The following FADS1 variants were observed in gnomAD, a reference collection of about 807,000 sequenced individuals.
FADS1 encodes the protein fatty acid desaturase 1.
In FADS1, 17 loss-of-function variants were observed where a neutral mutation model predicts 61.6. The ratio of observed to expected loss-of-function variants is 0.28; its 90% CI spans 0.19 to 0.41. The LOEUF (loss-of-function observed/expected upper bound fraction) is 0.41, where lower values mean the gene tolerates loss of function less well. FADS1 is among the 10% of genes least tolerant of loss of function. The pLI, the probability that FADS1 is intolerant of heterozygous loss-of-function variation, is 1.00. For synonymous variants in FADS1, 238 were observed against 258.7 expected, an observed-to-expected ratio of 0.92 and a Z score of 0.77; for missense variants, 387 against 650.9, an observed-to-expected ratio of 0.59 and a Z score of 4.41.
chr11:61,813,219 G>A (rs772469600), intron 2 of FADS1, 24 bp downstream of exon 2: 14 of 1,408,440 alleles, frequency 9.9e-6, no homozygotes, highest in East Asian at 4.6e-5. Context: ...CAATAGTTGC[G>A]ACATAGCAAA....
In FADS1 at chr11:61,802,115, T is replaced by A. The variant is rs561617892; in HGVS notation, c.*296A>T. 2.6e-6 allele frequency: 1 copy of A among 388,368 alleles called. No individual in the cohort carries two copies. The highest frequency in any genetic ancestry group is 4.8e-6 in the Non-Finnish European group (1 of 207,700). The allele number at this position is 388,368 out of a possible 1,614,324, so 24.1% of individuals were successfully genotyped here. On this transcript the variant is annotated 3_prime_UTR_variant, in exon 12 of 12. Transcript: ENST00000350997. The surrounding 1 kb of genome is among the most constrained non-coding windows in gnomAD (Gnocchi z 4.2). Reference sequence around the variant, plus strand: ...GTAGGTCCCTCCTCTTCTGTTACCCTCCTGGTTCTCTCTGTTCACCAACTA... The same window carrying A: ...GTAGGTCCCTCCTCTTCTGTTACCCACCTGGTTCTCTCTGTTCACCAACTA...
chr11:61,813,592 G>A, intron 1 of FADS1: 1 of 516,982 alleles, frequency 1.9e-6, no homozygotes, highest in Non-Finnish European at 3.4e-6. Flanking sequence ...GGACCAATCA[G>A]CACCCTGTAA....
At chr11:61,814,874 C>T (rs1031528203) in intron 1 of FADS1, 1 of 152,398 alleles carries the variant, frequency 6.6e-6, no homozygotes, top group Non-Finnish European at 1.5e-5. Flanking sequence ...GGCTATGAGA[C>T]TTCCGTCCCT....
At position 61,810,824 on chromosome 11, in the gene FADS1, T is replaced by C. The variant is rs772099865; in HGVS notation, c.842A>G (p.Asn281Ser). ...GATGTCTGGGTCTTTGCGGAAGCAG[T>C]TGGGCTTGGCATGGTGCTGGAAGTG... The part of the protein sequence containing the change: ...HMHFQHHAKP[N>S]CFRKDPDINM... The change falls in exon 5 of 12, where the codon AAC (asparagine) becomes AGC (serine). Residue 281 changes from asparagine (N) to serine (S), a missense_variant. Transcript: ENST00000350997. 1.9e-6 allele frequency: 3 copies of C among 1,614,162 alleles called. No homozygotes were observed. Among genetic ancestry groups the C allele is most frequent in the African/African-American group, 1.3e-5 (1 of 75,036 alleles).
intron 2 of FADS1, 46 bp from the exon 3 acceptor site, chr11:61,812,714 A>G (rs762371842): frequency 6.4e-7 from 1 of 1,553,764 alleles, no homozygotes; most frequent in South Asian, 1.2e-5. Flanking sequence ...TCTGCACCCC[A>G]ATGCTACTGG....
rs562958864 is a variant in FADS1, at chr11:61,809,403, C to T, written c.915+1348G>A. 1.1e-4 allele frequency among the ~76,000 whole-genome samples: 17 copies of T among 152,178 alleles called. No individual in the cohort carries two copies. In the South Asian group the frequency reaches 2.5e-3, roughly 22 times the overall value. On this transcript the variant is annotated intron_variant, in intron 5 of 11. Coordinates refer to ENST00000350997, the MANE Select transcript of FADS1 (RefSeq NM_013402.7). ...TGTTACCCAGGCTGGAGTGCAGTGGCGTGATCATACTCACTGCAGCCTTCA... is the reference window on the plus strand; with the variant it reads ...TGTTACCCAGGCTGGAGTGCAGTGGTGTGATCATACTCACTGCAGCCTTCA...
In FADS1 at chr11:61,803,151, A is replaced by G. The variant is rs2066869099; in HGVS notation, c.1249-40T>C. 3 of 1,592,596 alleles carry G rather than the reference A, an allele frequency of 1.9e-6. No individual in the cohort carries two copies. Among genetic ancestry groups the G allele is most frequent in the Non-Finnish European group, 2.6e-6 (3 of 1,160,898 alleles). ...CAGGGGAGAGCATGTTGAATATCAGATGGAAAGGCCAGCCCAGCATTCTCC... is the reference window on the plus strand; with the variant it reads ...CAGGGGAGAGCATGTTGAATATCAGGTGGAAAGGCCAGCCCAGCATTCTCC... On this transcript the variant is annotated intron_variant, in intron 9 of 11. Coordinates refer to ENST00000350997, the MANE Select transcript of FADS1 (RefSeq NM_013402.7). The surrounding 1 kb of genome is among the most constrained non-coding windows in gnomAD (Gnocchi z 4.3).
rs537420361 is a variant in FADS1, at chr11:61,802,037, C to T, written c.*374G>A. 5.0e-5 allele frequency: 12 copies of T among 242,070 alleles called. No homozygotes were observed. The highest frequency in any genetic ancestry group is 1.1e-4 in the African/African-American group (5 of 44,392). The allele number at this position is 242,070 out of a possible 1,614,324, so 15.0% of individuals were successfully genotyped here. A position where few individuals can be genotyped will look rare whatever the true frequency, so the allele number is the denominator to read the frequency against. ...CTGGGATTACAGGCGCGTGCCACCA[C>T]GCCCGGCATGAGTGGAATTTTAGTG... is the stretch of plus-strand genomic sequence containing the variant. On this transcript the variant is annotated 3_prime_UTR_variant, in exon 12 of 12. Transcript: ENST00000350997. This position sits in a 1 kb window ranked among gnomAD's most constrained non-coding sequence, Gnocchi z 4.2.
chr11:61,816,205 C>T lies in FADS1; in HGVS notation c.375+350G>A, dbSNP rs903593030. On this transcript the variant is annotated intron_variant, in intron 1 of 11. Coordinates refer to ENST00000350997, the MANE Select transcript of FADS1 (RefSeq NM_013402.7). This position sits in a 1 kb window ranked among gnomAD's most constrained non-coding sequence, Gnocchi z 7.0. ...CCCTCCCTCCCCAGGCGGCCTGCAT[C>T]CTTGCTCTCCTCCCTCCTAGCCTAC... 1.3e-6 allele frequency: 2 copies of T among 1,553,372 alleles called. No individual in the cohort carries two copies. The highest frequency in any genetic ancestry group is 1.7e-4 in the Middle Eastern group (1 of 5,750).
rs2066862872 is a variant in FADS1, at chr11:61,802,492, A to G, written c.1455-30T>C. ...AGGGACAAAATGGGGGCAGACAGTG[A>G]GGGAGACAAGCAGAGTTGAACCCAC... On this transcript the variant is annotated intron_variant, in intron 11 of 11. Transcript: ENST00000350997. The surrounding 1 kb of genome is among the most constrained non-coding windows in gnomAD (Gnocchi z 4.2). 2.6e-6 allele frequency: 4 copies of G among 1,553,536 alleles called. No individual in the cohort carries two copies. Among genetic ancestry groups the G allele is most frequent in the African/African-American group, 2.7e-5 (2 of 73,266 alleles).
chr11:61,810,982 G>A lies in FADS1; in HGVS notation c.778C>T (p.His260Tyr). ...NHLLHHFVIG[H>Y]LKGAPASWWN... The stretch of plus-strand genomic sequence containing the variant: ...CTCCCCATCCCACTGACCTTCAGGT[G>A]GCCAATCACAAAATGATGTAGCAGA... The change falls in exon 4 of 12, where the codon CAC becomes TAC. Residue 260 changes from histidine to tyrosine, a missense_variant. Coordinates refer to ENST00000350997, the MANE Select transcript of FADS1 (RefSeq NM_013402.7). 6.2e-7 allele frequency: 1 copy of A among 1,614,076 alleles called. No homozygotes were observed. The highest frequency in any genetic ancestry group is 1.3e-5 in the African/African-American group (1 of 75,026).
At chr11:61,810,532 G>C (rs964027775) in intron 5 of FADS1, among the ~76,000 whole-genome samples, 4 of 152,110 alleles carry the variant, frequency 2.6e-5, no homozygotes, top group African/African-American at 9.7e-5. Context: ...ATGCAGTAAC[G>C]GTTTGCTGAC....
chr11:61,803,887 C>T lies in FADS1; in HGVS notation c.1054-120G>A, dbSNP rs930886351. The T allele has an allele frequency of 1.3e-6, 1 of 741,324 alleles. No homozygotes were observed. Among genetic ancestry groups the T allele is most frequent in the Non-Finnish European group, 2.3e-6 (1 of 427,454 alleles). 45.9% of individuals were successfully genotyped at this position (741,324 alleles called of 1,614,324 possible). The stretch of plus-strand genomic sequence containing the variant: ...GTTATCCAGACTCACTCATCTTCAG[C>T]TTCTCAGGGGTCCAATCCTGCAGTA... On this transcript the variant is annotated intron_variant, in intron 7 of 11. Coordinates refer to ENST00000350997, the MANE Select transcript of FADS1 (RefSeq NM_013402.7). This position sits in a 1 kb window ranked among gnomAD's most constrained non-coding sequence, Gnocchi z 4.3.
chr11:61,816,719 C>T lies in FADS1; in HGVS notation c.211G>A (p.Gly71Arg). Residue 71 changes from glycine (G) to arginine (R), a missense_variant, in exon 1 of 12, where the codon GGA (glycine) becomes AGA (arginine). Gly to Arg is a moderately radical substitution (Grantham distance 125). This residue lies in a region of FADS1 where 130 missense variants were observed against 117.7 expected (regional missense o/e 1.10). Coordinates refer to ENST00000350997, the MANE Select transcript of FADS1 (RefSeq NM_013402.7). The surrounding 1 kb of genome is among the most constrained non-coding windows in gnomAD (Gnocchi z 7.0). ...CAGGTGAAGTAGCGCGGGGTAGGTC[C>T]CTGAGCCGCGGTCTCGGCGGCCACC... ...DPVAAETAAQ[G>R]PTPRYFTWDE... The T allele has an allele frequency of 6.4e-6, 10 of 1,569,238 alleles. No homozygotes were observed. Among genetic ancestry groups the T allele is most frequent in the Non-Finnish European group, 8.6e-6 (10 of 1,157,908 alleles).
chr11:61,803,121 A>C lies in FADS1; in HGVS notation c.1249-10T>G, dbSNP rs1000105270. On this transcript the variant is annotated splice_polypyrimidine_tract_variant and intron_variant, in intron 9 of 11. Coordinates refer to ENST00000350997, the MANE Select transcript of FADS1 (RefSeq NM_013402.7). The surrounding 1 kb of genome is among the most constrained non-coding windows in gnomAD (Gnocchi z 4.3). ...TGCATGTGGCCTGGAGCTGGCGGAA[A>C]AGGTCAGGGGAGAGCATGTTGAATA... 2 of 1,614,008 alleles carry C rather than the reference A, an allele frequency of 1.2e-6. No individual in the cohort carries two copies. The highest frequency in any genetic ancestry group is 3.3e-5 in the Admixed American group (2 of 60,022).
chr11:61,803,194 G>A lies in FADS1; in HGVS notation c.1249-83C>T. 1 of 1,390,100 alleles carries A rather than the reference G, an allele frequency of 7.2e-7. No homozygotes were observed. The highest frequency in any genetic ancestry group is 1.0e-6 in the Non-Finnish European group (1 of 980,668). The allele number at this position is 1,390,100 out of a possible 1,614,324, so 86.1% of individuals were successfully genotyped here. On this transcript the variant is annotated intron_variant, in intron 9 of 11. Coordinates refer to ENST00000350997, the MANE Select transcript of FADS1 (RefSeq NM_013402.7). This position sits in a 1 kb window ranked among gnomAD's most constrained non-coding sequence, Gnocchi z 4.3. The stretch of plus-strand genomic sequence containing the variant: ...CATTCTCCAGGTAAAGCTGGCTGAG[G>A]AAGGGACATGAGACTGTCTTGGTCA...
In FADS1 at chr11:61,801,253, C is replaced by T. The variant is rs1205200836; in HGVS notation, c.*1158G>A. Reference sequence around the variant, plus strand: ...TGATAATTATCTCCCAATTTGGTCACTTCTGCTAATTGCTATTTTATTAAA... The same window carrying T: ...TGATAATTATCTCCCAATTTGGTCATTTCTGCTAATTGCTATTTTATTAAA... On this transcript the variant is annotated 3_prime_UTR_variant, in exon 12 of 12. Coordinates refer to ENST00000350997, the MANE Select transcript of FADS1 (RefSeq NM_013402.7). The T allele has an allele frequency of 6.6e-6, 1 of 152,356 alleles. No homozygotes were observed. Among genetic ancestry groups the T allele is most frequent in the Non-Finnish European group, 1.5e-5 (1 of 68,046 alleles). 9.4% of individuals were successfully genotyped at this position (152,356 alleles called of 1,614,324 possible).
Position 61,802,856 on chromosome 11 carries a change from G to A in FADS1, c.1399C>T (p.His467Tyr). 2.5e-6 allele frequency: 4 copies of A among 1,614,224 alleles called. No individual in the cohort carries two copies. Among genetic ancestry groups the A allele is most frequent in the Non-Finnish European group, 3.4e-6 (4 of 1,180,030 alleles). Reference sequence around the variant, plus strand: ...GGCTTGGACTGGTACTCTATGCCATGCTTGGCACACAAGGACTGCACCAGG... The same window carrying A: ...GGCTTGGACTGGTACTCTATGCCATACTTGGCACACAAGGACTGCACCAGG... Reference protein sequence around the residue: ...APLVQSLCAKHGIEYQSKPLL... With the variant: ...APLVQSLCAKYGIEYQSKPLL... The change falls in exon 11 of 12, where the codon CAT (histidine) becomes TAT (tyrosine). Residue 467 changes from histidine to tyrosine, a missense_variant. His to Tyr is a moderately conservative substitution (Grantham distance 83). This residue lies in a region of FADS1 where 257 missense variants were observed against 533.3 expected (regional missense o/e 0.48). Transcript: ENST00000350997. The surrounding 1 kb of genome is among the most constrained non-coding windows in gnomAD (Gnocchi z 4.2).
intron 5 of FADS1, among the ~76,000 whole-genome samples, chr11:61,807,970 T>A (rs1296127495): frequency 6.6e-6 from 1 of 152,236 alleles, no homozygotes; most frequent in South Asian, 2.1e-4. Context: ...ATGCTTAGGA[T>A]ACAGAGGTGA....
Sources: allele counts gnomAD v4.1 joint callset (sites outside exome capture counted in the v4.1 genomes callset), GRCh38; gene constraint gnomAD v4.1.1; regional missense constraint gnomAD v4.1.1; non-coding constraint Gnocchi (gnomAD v3.1); transcripts MANE v1.5; gene names NCBI Gene and HGNC (gene_info 2026-07-23, HGNC 2026-07-21).